Variants in TSHZ2 observed in about 807,000 individuals in gnomAD.
TSHZ2 encodes the protein teashirt homolog 2.
In TSHZ2, 21 loss-of-function variants were observed where a neutral mutation model predicts 74.4. The observed-to-expected ratio is 0.28, with a 90% CI of 0.20 to 0.41. The LOEUF (loss-of-function observed/expected upper bound fraction) is 0.41, where lower values mean the gene tolerates loss of function less well. TSHZ2 is among the 10% of genes least tolerant of loss of function. The pLI is 1.00. For synonymous variants in TSHZ2, 540 were observed against 515.3 expected, an observed-to-expected ratio of 1.05 and a Z score of -0.65; for missense variants, 1,244 against 1,293.5, an observed-to-expected ratio of 0.96 and a Z score of 0.59.
intron 1 of TSHZ2, among the ~76,000 whole-genome samples, chr20:53,229,487 A>C (rs1025741889): frequency 1.5e-4 from 23 of 152,212 alleles, no homozygotes; most frequent in African/African-American, 5.5e-4. Context: ...ATCGTATTTA[A>C]TTAATATCAG....
rs556376001 is a variant in TSHZ2 at position 53,205,508 on chromosome 20, T to C, written c.41-47991T>C. 5.3e-5 allele frequency among the ~76,000 whole-genome samples: 8 copies of C among 152,350 alleles called. No homozygotes were observed. The East Asian group carries it at 1.4e-3, about 26-fold the overall frequency. On this transcript the variant is annotated intron_variant, in intron 1 of 2. Transcript: ENST00000371497. ...AGGAAGTTCCAAATGTTAAGAAAAC[T>C]ATCCTGGGTCTTTTTAAAACTCGTA... is the stretch of plus-strand genomic sequence containing the variant.
chr20:53,429,073 T>A (rs1983750957), intron 2 of TSHZ2, among the ~76,000 whole-genome samples: 1 of 152,200 alleles, frequency 6.6e-6, no homozygotes, highest in Non-Finnish European at 1.5e-5. Flanking sequence ...AAAGATAGGT[T>A]TTGTTTCTGA....
intron 1 of TSHZ2, among the ~76,000 whole-genome samples, chr20:52,996,791 T>C (rs1982212286): frequency 6.6e-6 from 1 of 152,200 alleles, no homozygotes; most frequent in African/African-American, 2.4e-5. Flanking sequence ...GCAACATGCA[T>C]GTGCTCGTGG....
chr20:53,412,177 G>A (rs550919275), intron 2 of TSHZ2, among the ~76,000 whole-genome samples: 8 of 152,184 alleles, frequency 5.3e-5, no homozygotes, highest in Admixed American at 3.9e-4. Flanking sequence ...AGGTTAACAC[G>A]TCCGGTCCTG....
At chr20:53,451,206 AAAT>A (rs1984770194) in intron 2 of TSHZ2, among the ~76,000 whole-genome samples, 2 of 152,188 alleles carry the variant, frequency 1.3e-5, no homozygotes, top group Admixed American at 1.3e-4. Flanking sequence ...CTGTAGGACG[AAAT>A]AATGTAATTT....
Position 53,490,591 on chromosome 20 carries a change from A to T in TSHZ2, c.*3456A>T, listed in dbSNP as rs1321605335. On this transcript the variant is annotated 3_prime_UTR_variant, in exon 3 of 3. Coordinates refer to ENST00000371497, the MANE Select transcript of TSHZ2 (RefSeq NM_173485.6). ...ACGGAATAAACTGGATAACCCAGAC[A>T]GTCCCCACAGAATTTCTTTCAGGTC... is the stretch of plus-strand genomic sequence containing the variant. 3 of 152,258 alleles carry T rather than the reference A, an allele frequency of 2.0e-5. No homozygotes were observed. The highest frequency in any genetic ancestry group is 2.9e-5 in the Non-Finnish European group (2 of 68,042). 9.4% of individuals were successfully genotyped at this position (152,258 alleles called of 1,614,324 possible).
intron 2 of TSHZ2, among the ~76,000 whole-genome samples, chr20:53,284,207 T>C (rs956726669): frequency 2.0e-5 from 3 of 152,258 alleles, no homozygotes; most frequent in African/African-American, 7.2e-5. Context: ...TCTTGAATGC[T>C]GGACCGCCAC....
At chr20:53,214,452 C>T (rs1989388635) in intron 1 of TSHZ2, among the ~76,000 whole-genome samples, 1 of 152,190 alleles carries the variant, frequency 6.6e-6, no homozygotes, top group Non-Finnish European at 1.5e-5. Context: ...ACGCCTGTAA[C>T]CTCAACACTT....
At chr20:53,356,894 T>C (rs997631008) in intron 2 of TSHZ2, among the ~76,000 whole-genome samples, 3 of 152,128 alleles carry the variant, frequency 2.0e-5, no homozygotes, top group African/African-American at 7.2e-5. Flanking sequence ...ATAATAAGGA[T>C]GAATGAAAAT....
At chr20:53,473,118 A>T (rs1336150026) in intron 2 of TSHZ2, among the ~76,000 whole-genome samples, 4 of 148,172 alleles carry the variant, frequency 2.7e-5, no homozygotes. Context: ...TTAGGTAAAC[A>T]AAGCAGCCGG....
At chr20:53,423,583 C>G (rs1004875789) in intron 2 of TSHZ2, among the ~76,000 whole-genome samples, 1 of 152,178 alleles carries the variant, frequency 6.6e-6, no homozygotes, top group Non-Finnish European at 1.5e-5. Context: ...ACTCTATTCC[C>G]TTTCCTTCAC....
At chr20:53,329,418 G>A (rs1175526445) in intron 2 of TSHZ2, among the ~76,000 whole-genome samples, 1 of 152,186 alleles carries the variant, frequency 6.6e-6, no homozygotes, top group Admixed American at 6.5e-5. Flanking sequence ...CAGACCCCAG[G>A]ACTGTATTTC....
intron 2 of TSHZ2, among the ~76,000 whole-genome samples, chr20:53,432,175 C>T (rs1430479914): frequency 6.6e-6 from 1 of 152,208 alleles, no homozygotes; most frequent in African/African-American, 2.4e-5. Context: ...TTCTGCATGC[C>T]TTCACTCACC....
chr20:53,027,842 C>T (rs913651547), intron 1 of TSHZ2, among the ~76,000 whole-genome samples: 12 of 152,000 alleles, frequency 7.9e-5, no homozygotes, highest in Non-Finnish European at 1.5e-4. Context: ...CACAGTGGGG[C>T]TATGGAAAAT....
intron 1 of TSHZ2, among the ~76,000 whole-genome samples, chr20:53,188,481 C>G (rs191885005): frequency 6.6e-6 from 1 of 152,146 alleles, no homozygotes; most frequent in South Asian, 2.1e-4. Flanking sequence ...GACAGAGAAG[C>G]TTTTTGGTGA....
intron 2 of TSHZ2, among the ~76,000 whole-genome samples, chr20:53,419,541 GTGAGGTATAGACATTAAACACCA>G: frequency 6.6e-6 from 1 of 152,304 alleles, no homozygotes; most frequent in African/African-American, 2.4e-5. Flanking sequence ...GGTAAGAAAG[GTGAGGTATAGACATTAAACACCA>G]TGCCTAAGTT....
At chr20:53,374,112 C>G (rs1189386051) in intron 2 of TSHZ2, among the ~76,000 whole-genome samples, 4 of 152,048 alleles carry the variant, frequency 2.6e-5, no homozygotes, top group Non-Finnish European at 1.5e-5. Context: ...AACGTCGTAT[C>G]CAATAGGTAG....
chr20:53,071,666 T>C (rs1012679310), intron 1 of TSHZ2, among the ~76,000 whole-genome samples: 3 of 152,180 alleles, frequency 2.0e-5, no homozygotes, highest in Non-Finnish European at 4.4e-5. Flanking sequence ...TTCTTAAAGC[T>C]GTGGGTCGGG....
intron 2 of TSHZ2, among the ~76,000 whole-genome samples, chr20:53,460,515 A>G (rs1055739049): frequency 5.3e-5 from 8 of 152,110 alleles, no homozygotes; most frequent in Non-Finnish European, 1.2e-4. Context: ...AGCTCAGAGT[A>G]ATTTGATCGT....
Sources: gnomAD v4.1 joint callset for allele counts (sites outside exome capture counted in the v4.1 genomes callset) on GRCh38, gnomAD v4.1.1 for gene constraint, MANE v1.5 for transcripts, NCBI Gene and HGNC (gene_info 2026-07-23, HGNC 2026-07-21) for gene names.